Variants in ABCC5 observed in about 807,000 individuals in gnomAD.
ABCC5 encodes the protein ATP binding cassette subfamily C member 5.
Under a neutral mutation model 160.9 loss-of-function variants are expected in ABCC5, and 61 were observed. The observed-to-expected ratio is 0.38, with a 90% CI of 0.31 to 0.47. The LOEUF (loss-of-function observed/expected upper bound fraction) is 0.47, where lower values mean the gene tolerates loss of function less well. Among genes scored for constraint, ABCC5 ranks in the 20% least tolerant of loss-of-function variants. The pLI, the probability that ABCC5 is intolerant of heterozygous loss-of-function variation, is 0.99. For synonymous variants in ABCC5, 666 were observed against 700.6 expected (o/e 0.95, Z 0.78); for missense variants, 1,308 against 1,813.3 (o/e 0.72, Z 5.06).
chr3:183,941,972 C>CAAGAAAA (rs1714396360), intron 25 of ABCC5, among the ~76,000 whole-genome samples: 1 of 138,430 alleles, frequency 7.2e-6, no homozygotes. Context: ...GACTTTGTCT[C>CAAGAAAA]AAAAAAAAAA....
chr3:183,927,092 C>G (rs1198326570), intron 28 of ABCC5, among the ~76,000 whole-genome samples: 1 of 152,064 alleles, frequency 6.6e-6, no homozygotes, highest in Non-Finnish European at 1.5e-5. Context: ...CGTACAACTA[C>G]TCAATGGCCA....
chr3:183,951,945 G>A lies in ABCC5; in HGVS notation c.2726C>T (p.Pro909Leu). The A allele has an allele frequency of 6.2e-7, 1 of 1,613,654 alleles. No individual in the cohort carries two copies. The highest frequency in any genetic ancestry group is 8.5e-7 in the Non-Finnish European group (1 of 1,179,620). Residue 909 changes from proline (P) to leucine (L), a missense_variant, in exon 19 of 30, where the codon CCT (proline) becomes CTT (leucine). Transcript: ENST00000334444. The surrounding 1 kb of genome is among the most constrained non-coding windows in gnomAD (Gnocchi z 4.7). ...TSVSDSMKDNPHMQYYASIYA... is the reference protein window; with the variant it reads ...TSVSDSMKDNLHMQYYASIYA... The stretch of plus-strand genomic sequence containing the variant: ...GATGCTGGCATAGTACTGCATATGA[G>A]GATTGTCCTTCATGCTGTCACTCAC...
chr3:184,016,483 G>A (rs751458125), intron 1 of ABCC5, among the ~76,000 whole-genome samples: 2 of 152,176 alleles, frequency 1.3e-5, no homozygotes, highest in Non-Finnish European at 2.9e-5. Context: ...AATCCTGACA[G>A]GTTTGGAAAG....
At chr3:183,962,828 C>T (rs926685175) in intron 15 of ABCC5, among the ~76,000 whole-genome samples, 4 of 152,120 alleles carry the variant, frequency 2.6e-5, no homozygotes, top group African/African-American at 4.8e-5. Flanking sequence ...GGCCGAGTCC[C>T]TCCGGTTTTT....
Position 183,981,823 on chromosome 3 carries a change from T to C in ABCC5, c.1051A>G (p.Thr351Ala), listed in dbSNP as rs1468692125. ...TTCATCTTCTGGACACGTTCATCCGTGGCGGCCACGCATTTTCTCCTGAAA... is the reference window on the plus strand; with the variant it reads ...TTCATCTTCTGGACACGTTCATCCGCGGCGGCCACGCATTTTCTCCTGAAA... The part of the protein sequence containing the change: ...AYFRRKCVAA[T>A]DERVQKMNEV... The change falls in exon 8 of 30, where the codon ACG becomes GCG. Residue 351 changes from threonine (T) to alanine (A), a missense_variant. Around this residue, in one of 3 missense-constraint regions of ABCC5, gnomAD observed 1,142 missense variants for 1,527.1 expected, o/e 0.75. Transcript: ENST00000334444. 1 of 1,611,514 alleles carries C rather than the reference T, an allele frequency of 6.2e-7. No individual in the cohort carries two copies. The highest frequency in any genetic ancestry group is 8.5e-7 in the Non-Finnish European group (1 of 1,179,354).
rs1185229690 is a variant in ABCC5, at chr3:183,921,885, C to T, written c.4213-484G>A. Among the ~76,000 whole-genome samples the T allele has an allele frequency of 6.6e-6, 1 of 151,564 alleles. No individual in the cohort carries two copies. Among genetic ancestry groups the T allele is most frequent in the African/African-American group, 2.4e-5 (1 of 41,206 alleles). On this transcript the variant is annotated intron_variant, in intron 29 of 29. Coordinates refer to ENST00000334444, the MANE Select transcript of ABCC5 (RefSeq NM_005688.4). This position sits in a 1 kb window ranked among gnomAD's most constrained non-coding sequence, Gnocchi z 4.1. ...TCTCTACTAAATATACAAAAATTAGCTGGGCATGGTTGGCGGGTGCCTACA... is the reference window on the plus strand; with the variant it reads ...TCTCTACTAAATATACAAAAATTAGTTGGGCATGGTTGGCGGGTGCCTACA...
chr3:183,935,691 A>G (rs532519292), intron 26 of ABCC5, among the ~76,000 whole-genome samples: 137 of 149,510 alleles, frequency 9.2e-4, no homozygotes, highest in African/African-American at 3.1e-3. Context: ...TAGTAGAGAC[A>G]GGGTTTCGCC....
rs1716051436 is a variant in ABCC5, at chr3:183,956,759, C to T, written c.2482+2974G>A. 8.3e-5 allele frequency among the ~76,000 whole-genome samples: 4 copies of T among 48,136 alleles called. 1 individual carries two copies. The highest frequency in any genetic ancestry group is 1.4e-4 in the Non-Finnish European group (4 of 28,630). The allele number at this position is 48,136 out of a possible 152,430, so 31.6% of individuals were successfully genotyped here. ...AAATCACATCGGTTACATGCGGATC[C>T]GTGTGTACATCACATCGGTTACATG... is the stretch of plus-strand genomic sequence containing the variant. On this transcript the variant is annotated intron_variant, in intron 17 of 29. Transcript: ENST00000334444.
At chr3:183,956,979 G>T (rs1716089528) in intron 17 of ABCC5, among the ~76,000 whole-genome samples, 1 of 150,228 alleles carries the variant, frequency 6.7e-6, no homozygotes, top group Non-Finnish European at 1.5e-5. Flanking sequence ...GTTACATGCG[G>T]ATCCGTGTGT....
At chr3:183,946,203 A>G (rs1238398804) in intron 23 of ABCC5, among the ~76,000 whole-genome samples, 1 of 152,204 alleles carries the variant, frequency 6.6e-6, no homozygotes, top group Non-Finnish European at 1.5e-5. Context: ...TACATTTCCA[A>G]TAACACATAT....
chr3:183,958,561 T>C (rs1199442775), intron 17 of ABCC5, among the ~76,000 whole-genome samples: 2 of 152,126 alleles, frequency 1.3e-5, no homozygotes, highest in Non-Finnish European at 2.9e-5. Context: ...ATACCTGAAT[T>C]CAAAATCCCA....
intron 12 of ABCC5, 26 bp downstream of exon 12, chr3:183,967,669 G>C (rs575007742): frequency 3.8e-6 from 6 of 1,594,508 alleles, no homozygotes; most frequent in Admixed American, 1.7e-5. Context: ...GAAAGCAGCA[G>C]AAAAGGACAA....
chr3:183,985,471 G>C (rs201860498), intron 5 of ABCC5: 7 of 1,083,590 alleles, frequency 6.5e-6, no homozygotes, highest in Non-Finnish European at 1.0e-5. Context: ...GGTGGAGAGA[G>C]GTTGGAAGGG....
intron 10 of ABCC5, among the ~76,000 whole-genome samples, chr3:183,973,301 C>T (rs1309238839): frequency 2.0e-5 from 3 of 151,982 alleles, no homozygotes; most frequent in East Asian, 3.9e-4. Flanking sequence ...GATCCACCCG[C>T]CTCAGCCTCC....
chr3:183,990,157 G>A (rs564981710), intron 2 of ABCC5, among the ~76,000 whole-genome samples: 16 of 151,966 alleles, frequency 1.1e-4, no homozygotes, highest in Admixed American at 7.9e-4. Flanking sequence ...TGCCCAGGCC[G>A]GAGTGCAGTG....
chr3:183,976,648 TAAG>T (rs1718242436), intron 10 of ABCC5, among the ~76,000 whole-genome samples: 1 of 152,154 alleles, frequency 6.6e-6, no homozygotes, highest in East Asian at 1.9e-4. Context: ...CCATGTTTCT[TAAG>T]AAGAAAATCC....
chr3:183,925,801 TCA>T, intron 28 of ABCC5, 82 bp from the exon 29 acceptor site: 2 of 1,366,170 alleles, frequency 1.5e-6, no homozygotes, highest in Non-Finnish European at 2.0e-6. Context: ...AAAATGTATT[TCA>T]TTTAAGTTTT....
At chr3:184,016,526 G>GCAAA (rs1266295184) in intron 1 of ABCC5, among the ~76,000 whole-genome samples, 2 of 152,190 alleles carry the variant, frequency 1.3e-5, no homozygotes, top group African/African-American at 4.8e-5. Context: ...AAGCAAGCAA[G>GCAAA]CAAGGATGGA....
intron 8 of ABCC5, 102 bp from the exon 9 acceptor site, chr3:183,978,753 T>A: frequency 1.5e-6 from 2 of 1,299,782 alleles, no homozygotes; most frequent in Non-Finnish European, 2.1e-6. Flanking sequence ...CAGCCACCCT[T>A]CAACACCTAT....
Sources: allele counts gnomAD v4.1 joint callset (sites outside exome capture counted in the v4.1 genomes callset), GRCh38; gene constraint gnomAD v4.1.1; regional missense constraint gnomAD v4.1.1; non-coding constraint Gnocchi (gnomAD v3.1); transcripts MANE v1.5; gene names NCBI Gene and HGNC (gene_info 2026-07-23, HGNC 2026-07-21).